The following XPR1 variants were observed in gnomAD, a reference collection of about 807,000 sequenced individuals.
The protein encoded by XPR1 is xenotropic and polytropic retrovirus receptor 1.
In XPR1, 28 loss-of-function variants were observed where a neutral mutation model predicts 87.5. The ratio of observed to expected loss-of-function variants is 0.32; its 90% CI spans 0.24 to 0.44. XPR1 has a LOEUF of 0.44. XPR1 is among the 20% of genes least tolerant of loss of function. The probability of loss-of-function intolerance (pLI) is 1.00; values close to 1 mark genes in which losing one functional copy is unlikely to be tolerated. For synonymous variants in XPR1, 300 were observed against 306.1 expected (o/e 0.98, Z 0.21); for missense variants, 559 against 862.3 (o/e 0.65, Z 4.41).
chr1:180,760,840 G>A (rs1647993733), intron 2 of XPR1, among the ~76,000 whole-genome samples: 1 of 152,096 alleles, frequency 6.6e-6, no homozygotes, highest in African/African-American at 2.4e-5. Flanking sequence ...AAAACCGGAG[G>A]CATCATGCTA....
chr1:180,633,718 A>G (rs545451400), intron 1 of XPR1, among the ~76,000 whole-genome samples: 1 of 152,378 alleles, frequency 6.6e-6, no homozygotes, highest in South Asian at 2.1e-4. Context: ...CTAACATTTC[A>G]GCCTGCAGAG....
chr1:180,789,866 G>A (rs74135834), intron 3 of XPR1, among the ~76,000 whole-genome samples: 3,727 of 152,156 alleles, frequency 0.024, 149 homozygotes, highest in African/African-American at 0.083. Context: ...CAGAGGCTGC[G>A]TAGGACAACA....
intron 7 of XPR1, among the ~76,000 whole-genome samples, chr1:180,818,384 T>C (rs1650491672): frequency 1.3e-5 from 2 of 151,794 alleles, no homozygotes; most frequent in South Asian, 2.1e-4. Flanking sequence ...CCTAGCCCCA[T>C]TGTTAAGTGT....
chr1:180,863,387 G>C (rs781091030), intron 11 of XPR1, among the ~76,000 whole-genome samples: 1 of 152,106 alleles, frequency 6.6e-6, no homozygotes, highest in Non-Finnish European at 1.5e-5. Context: ...GATGGCAAAA[G>C]TTAAAATTGC....
intron 3 of XPR1, among the ~76,000 whole-genome samples, chr1:180,792,744 T>C (rs1649432064): frequency 6.6e-6 from 1 of 152,050 alleles, no homozygotes; most frequent in African/African-American, 2.4e-5. Context: ...ATGGTATCAA[T>C]CATGAAGGCT....
In XPR1 at chr1:180,748,400, C is replaced by CTTTTTTTTTTTTTT. The variant is rs71297873; in HGVS notation, c.122-39331_122-39318dup. Among the ~76,000 whole-genome samples, 34 of 29,676 alleles carry CTTTTTTTTTTTTTT rather than the reference C, an allele frequency of 1.1e-3. 9 individuals carry two copies. The highest frequency in any genetic ancestry group is 6.4e-3 in the East Asian group (4 of 628). 19.5% of individuals were successfully genotyped at this position (29,676 alleles called of 152,430 possible). On this transcript the variant is annotated intron_variant, in intron 2 of 14. Coordinates refer to ENST00000367590, the MANE Select transcript of XPR1 (RefSeq NM_004736.4). ...TGCTACTCTGTGTTATTATTTATGT[C>CTTTTTTTTTTTTTT]TTTTTTTTTTTTTTTTTTTTTTTTT...
In XPR1 at chr1:180,785,060, C is replaced by T. The variant is rs147106038; in HGVS notation, c.122-2693C>T. On this transcript the variant is annotated intron_variant, in intron 2 of 14. Transcript: ENST00000367590. ...GTGTGTGTGTGTTACTATAACCTTA[C>T]TCTACCTTCTTCTGATTAATGGCTA... Among the ~76,000 whole-genome samples, 609 of 99,300 alleles carry T rather than the reference C, an allele frequency of 6.1e-3. 6 individuals are homozygous for T. Among genetic ancestry groups the T allele is most frequent in the Non-Finnish European group, 6.9e-3 (288 of 41,930 alleles). 65.1% of individuals were successfully genotyped at this position (99,300 alleles called of 152,430 possible).
At chr1:180,857,204 A>G (rs1004100311) in intron 11 of XPR1, among the ~76,000 whole-genome samples, 3 of 152,156 alleles carry the variant, frequency 2.0e-5, no homozygotes, top group African/African-American at 7.2e-5. Flanking sequence ...TCAGTACCCA[A>G]GTCCCAACTT....
intron 11 of XPR1, among the ~76,000 whole-genome samples, chr1:180,863,015 T>C (rs1435132366): frequency 1.3e-5 from 2 of 152,128 alleles, no homozygotes; most frequent in African/African-American, 4.8e-5. Context: ...GTGTGCCTTA[T>C]AATAAGTATT....
chr1:180,888,981 A>G lies in XPR1; in HGVS notation c.*4915A>G, dbSNP rs894198151. ...ACAGGAAGTTTGCCTGAGAACAGAG[A>G]GGAGCCTGTTGATTGGCATGGCTCA... On this transcript the variant is annotated 3_prime_UTR_variant, in exon 15 of 15. Coordinates refer to ENST00000367590, the MANE Select transcript of XPR1 (RefSeq NM_004736.4). The G allele has an allele frequency of 6.6e-6, 1 of 152,352 alleles. No individual in the cohort carries two copies. The highest frequency in any genetic ancestry group is 1.9e-4 in the East Asian group (1 of 5,192). 9.4% of individuals were successfully genotyped at this position (152,352 alleles called of 1,614,324 possible). A position where few individuals can be genotyped will look rare whatever the true frequency, so the allele number is the denominator to read the frequency against.
rs567419315 is a variant in XPR1, at chr1:180,855,558, G to C, written c.1502-8150G>C. Among the ~76,000 whole-genome samples the C allele has an allele frequency of 3.3e-5, 5 of 151,760 alleles. No homozygotes were observed. In the South Asian group the frequency reaches 1.0e-3, roughly 32 times the overall value. On this transcript the variant is annotated intron_variant, in intron 11 of 14. Coordinates refer to ENST00000367590, the MANE Select transcript of XPR1 (RefSeq NM_004736.4). ...TGTGTGCCTGTAGTCCCAGCTATTTGGGAGGCTGAGGCAGAAGAATCACTT... is the reference window on the plus strand; with the variant it reads ...TGTGTGCCTGTAGTCCCAGCTATTTCGGAGGCTGAGGCAGAAGAATCACTT...
At chr1:180,768,813 C>T (rs937278718) in intron 2 of XPR1, among the ~76,000 whole-genome samples, 1 of 152,166 alleles carries the variant, frequency 6.6e-6, no homozygotes, top group Non-Finnish European at 1.5e-5. Context: ...AATTAATTCA[C>T]CTCCATGTAC....
At chr1:180,831,292 A>G (rs1474670546) in intron 9 of XPR1, among the ~76,000 whole-genome samples, 7 of 150,718 alleles carry the variant, frequency 4.6e-5, no homozygotes, top group South Asian at 4.2e-4. Flanking sequence ...CAGTGCTTCT[A>G]TCTTTTGCTG....
intron 1 of XPR1, among the ~76,000 whole-genome samples, chr1:180,659,431 CCTT>C (rs1655684061): frequency 1.5e-5 from 2 of 133,904 alleles, no homozygotes; most frequent in Non-Finnish European, 3.2e-5. Context: ...TTCCTTCCTT[CCTT>C]CCTTCTTCCC....
intron 3 of XPR1, among the ~76,000 whole-genome samples, chr1:180,801,184 C>T (rs12047845): frequency 0.054 from 8,254 of 152,278 alleles, 371 homozygotes; most frequent in East Asian, 0.13. Flanking sequence ...TCAGGGAACC[C>T]ATCTCAATAG....
chr1:180,765,363 T>C (rs1347474719), intron 2 of XPR1, among the ~76,000 whole-genome samples: 1 of 152,260 alleles, frequency 6.6e-6, no homozygotes, highest in East Asian at 1.9e-4. Flanking sequence ...TGCATTATGC[T>C]GGACTGATTT....
At chr1:180,785,864 T>C (rs1198970929) in intron 2 of XPR1, among the ~76,000 whole-genome samples, 7 of 151,704 alleles carry the variant, frequency 4.6e-5, no homozygotes, top group Non-Finnish European at 7.4e-5. Context: ...ACTCTTATTT[T>C]ATATCAGCTA....
intron 2 of XPR1, among the ~76,000 whole-genome samples, chr1:180,708,803 T>A (rs900210034): frequency 6.6e-6 from 1 of 151,760 alleles, no homozygotes; most frequent in Non-Finnish European, 1.5e-5. Context: ...TAACAAAAAT[T>A]TTCCCCAAAA....
chr1:180,882,095 T>C (rs536727707), intron 14 of XPR1, among the ~76,000 whole-genome samples: 4 of 152,300 alleles, frequency 2.6e-5, no homozygotes, highest in South Asian at 4.1e-4. Flanking sequence ...TTATCCTTGT[T>C]AGTTACCAGC....
Sources: allele counts gnomAD v4.1 joint callset (sites outside exome capture counted in the v4.1 genomes callset), GRCh38; gene constraint gnomAD v4.1.1; transcripts MANE v1.5; gene names NCBI Gene and HGNC (gene_info 2026-07-23, HGNC 2026-07-21).